ELMO1: variants seen among roughly 807,000 people sequenced by gnomAD.
ELMO1 encodes engulfment and cell motility 1.
In ELMO1, 26 loss-of-function variants were observed where a neutral mutation model predicts 98.9. The ratio of observed to expected loss-of-function variants is 0.26; its 90% confidence interval spans 0.19 to 0.36. ELMO1 has a LOEUF of 0.36. ELMO1 is among the 10% of genes least tolerant of loss of function. The probability of loss-of-function intolerance (pLI) is 1.00; values close to 1 mark genes in which losing one functional copy is unlikely to be tolerated. For missense variants in ELMO1, 627 were observed against 935.2 expected, an observed-to-expected ratio of 0.67 and a Z score of 4.30; for synonymous variants, 346 against 346.0, an observed-to-expected ratio of 1.00 and a Z score of 0.00.
intron 5 of ELMO1, among the ~76,000 whole-genome samples, chr7:37,265,850 C>T (rs1247239433): frequency 1.3e-5 from 2 of 152,154 alleles, no homozygotes; most frequent in African/African-American, 4.8e-5. Flanking sequence ...GCTGGCACAC[C>T]TGCATCTGTC....
chr7:36,903,109 G>A (rs112976764), intron 16 of ELMO1, among the ~76,000 whole-genome samples: 6 of 152,262 alleles, frequency 3.9e-5, no homozygotes, highest in African/African-American at 1.4e-4. Flanking sequence ...TCACAGAGAC[G>A]TCCTTACCTG....
chr7:37,337,743 GTCTGT>G (rs1347169497), intron 2 of ELMO1, among the ~76,000 whole-genome samples: 1 of 152,332 alleles, frequency 6.6e-6, no homozygotes, highest in Admixed American at 6.5e-5. Context: ...TAGCTTTCTG[GTCTGT>G]GTCTTCCTTG....
chr7:37,269,069 T>A (rs1220309152), intron 5 of ELMO1, among the ~76,000 whole-genome samples: 1 of 152,256 alleles, frequency 6.6e-6, no homozygotes, highest in Non-Finnish European at 1.5e-5. Flanking sequence ...TTCTTTATGG[T>A]ACTCTAATAG....
At chr7:37,317,339 T>C (rs2131112981) in intron 2 of ELMO1, among the ~76,000 whole-genome samples, 1 of 152,352 alleles carries the variant, frequency 6.6e-6, no homozygotes, top group African/African-American at 2.4e-5. Context: ...TGCAGAAGAA[T>C]GTCTGTCTTC....
chr7:37,129,936 C>T lies in ELMO1; in HGVS notation c.1191+3194G>A, dbSNP rs566465979. ...TCCCTGCCCTGGCCATCCTATACTA[C>T]TGTGGCTCCCTGAACAAAGCAGGCA... On this transcript the variant is annotated intron_variant, in intron 14 of 21. Transcript: ENST00000310758. Among the ~76,000 whole-genome samples, 7 of 152,318 alleles carry T rather than the reference C, an allele frequency of 4.6e-5. No individual in the cohort carries two copies. The South Asian group carries it at 1.4e-3, about 32-fold the overall frequency.
chr7:36,976,008 T>C (rs768275034), intron 16 of ELMO1, among the ~76,000 whole-genome samples: 5 of 152,138 alleles, frequency 3.3e-5, no homozygotes, highest in Non-Finnish European at 5.9e-5. Flanking sequence ...TGAATAGGGG[T>C]CAATAGGATT....
chr7:36,943,264 T>C (rs1202229891), intron 16 of ELMO1, among the ~76,000 whole-genome samples: 1 of 152,228 alleles, frequency 6.6e-6, no homozygotes, highest in Non-Finnish European at 1.5e-5. Context: ...GGTTATGCAG[T>C]TCTGTGACTG....
intron 4 of ELMO1, among the ~76,000 whole-genome samples, chr7:37,275,510 T>C (rs1311579721): frequency 6.6e-6 from 1 of 152,216 alleles, no homozygotes; most frequent in Non-Finnish European, 1.5e-5. Context: ...AGCTACTTAA[T>C]TCCTCAGACC....
intron 1 of ELMO1, among the ~76,000 whole-genome samples, chr7:37,448,279 G>A (rs1281647454): frequency 1.0e-5 from 1 of 99,588 alleles, no homozygotes; most frequent in African/African-American, 3.9e-5. Context: ...CAGTAACCCC[G>A]CGCCAGCGTC....
chr7:37,036,097 C>A (rs902909583), intron 15 of ELMO1, among the ~76,000 whole-genome samples: 1 of 152,066 alleles, frequency 6.6e-6, no homozygotes, highest in African/African-American at 2.4e-5. Flanking sequence ...GTAGTATCTA[C>A]ATATGTTTCA....
chr7:37,174,867 C>T (rs1343863383), intron 13 of ELMO1, among the ~76,000 whole-genome samples: 2 of 152,148 alleles, frequency 1.3e-5, no homozygotes, highest in African/African-American at 4.8e-5. Flanking sequence ...CTTTCATAGC[C>T]TCTCTTCTAT....
At chr7:37,223,959 T>C (rs1793730113) in intron 9 of ELMO1, among the ~76,000 whole-genome samples, 1 of 116,892 alleles carries the variant, frequency 8.6e-6, no homozygotes, top group Non-Finnish European at 2.1e-5. Flanking sequence ...AATTTGTAAT[T>C]GTGACCTAAT....
intron 1 of ELMO1, among the ~76,000 whole-genome samples, chr7:37,440,567 G>C (rs990956332): frequency 6.6e-6 from 1 of 151,980 alleles, no homozygotes; most frequent in African/African-American, 2.4e-5. Context: ...TCAGGAGTTT[G>C]AGACAAGCCT....
At chr7:37,197,732 T>C (rs764966962) in intron 13 of ELMO1, among the ~76,000 whole-genome samples, 1 of 152,218 alleles carries the variant, frequency 6.6e-6, no homozygotes, top group Non-Finnish European at 1.5e-5. Context: ...ATAACCAGCA[T>C]GATTCTCAGG....
chr7:36,949,995 C>T (rs1489381642), intron 16 of ELMO1, among the ~76,000 whole-genome samples: 1 of 152,196 alleles, frequency 6.6e-6, no homozygotes, highest in African/African-American at 2.4e-5. Context: ...ATGGCTCTTT[C>T]GGTTGGAGTT....
intron 1 of ELMO1, among the ~76,000 whole-genome samples, chr7:37,380,762 G>A (rs952701734): frequency 6.6e-6 from 1 of 152,170 alleles, no homozygotes; most frequent in African/African-American, 2.4e-5. Context: ...TCTATTTAAA[G>A]ACACTTTCTT....
intron 4 of ELMO1, among the ~76,000 whole-genome samples, chr7:37,283,672 A>G (rs76065208): frequency 0.011 from 1,637 of 152,316 alleles, 42 homozygotes; most frequent in African/African-American, 0.037. Flanking sequence ...ATCCACCATT[A>G]TGATTCCATG....
intron 14 of ELMO1, among the ~76,000 whole-genome samples, chr7:37,098,338 G>A (rs766758465): frequency 6.6e-6 from 1 of 152,180 alleles, no homozygotes; most frequent in Non-Finnish European, 1.5e-5. Context: ...TCTAATTGAA[G>A]GACACAAAAA....
chr7:37,198,379 C>G (rs1240176650), intron 13 of ELMO1, among the ~76,000 whole-genome samples: 1 of 152,226 alleles, frequency 6.6e-6, no homozygotes, highest in African/African-American at 2.4e-5. Flanking sequence ...AAATGACAAT[C>G]ATCAATTGTA....
Sources: allele counts gnomAD v4.1 joint callset (sites outside exome capture counted in the v4.1 genomes callset), GRCh38; gene constraint gnomAD v4.1.1; transcripts MANE v1.5; gene names NCBI Gene and HGNC (gene_info 2026-07-23, HGNC 2026-07-21).